Variants in FSTL5 observed in about 807,000 individuals in gnomAD.
The protein encoded by FSTL5 is follistatin like 5, also known as follistatin-related protein 5.
A neutral mutation model predicts 89.1 loss-of-function variants in FSTL5; 62 were observed. The ratio of observed to expected loss-of-function variants is 0.70; its 90% confidence interval spans 0.57 to 0.86. The LOEUF is 0.86. FSTL5 is among the 40% of genes least tolerant of loss of function. The pLI is 0.00. For synonymous variants in FSTL5, 383 were observed against 346.2 expected (o/e 1.11, Z -1.18); for missense variants, 1,057 against 1,001.6 (o/e 1.06, Z -0.75).
At chr4:161,840,377 C>T (rs1398317129) in intron 4 of FSTL5, among the ~76,000 whole-genome samples, 10 of 152,088 alleles carry the variant, frequency 6.6e-5, no homozygotes. Flanking sequence ...AAATTGGATT[C>T]AATGCTTTAT....
intron 7 of FSTL5, among the ~76,000 whole-genome samples, chr4:161,646,227 A>G (rs1252648508): frequency 6.7e-6 from 1 of 148,280 alleles, no homozygotes; most frequent in Non-Finnish European, 1.5e-5. Flanking sequence ...TGTACAATGT[A>G]TATCTCATAT....
At chr4:162,088,982 A>G (rs1215177731) in intron 2 of FSTL5, among the ~76,000 whole-genome samples, 1 of 152,154 alleles carries the variant, frequency 6.6e-6, no homozygotes, top group East Asian at 1.9e-4. Flanking sequence ...GTGGGATCCA[A>G]GAAAGATGAT....
chr4:161,773,757 C>A (rs1560837305), intron 5 of FSTL5, among the ~76,000 whole-genome samples: 2 of 152,150 alleles, frequency 1.3e-5, no homozygotes, highest in East Asian at 1.9e-4. Flanking sequence ...TAAACTAGTA[C>A]AACCACTATG....
intron 6 of FSTL5, among the ~76,000 whole-genome samples, chr4:161,705,714 T>C (rs1230414899): frequency 6.6e-6 from 1 of 151,488 alleles, no homozygotes; most frequent in Non-Finnish European, 1.5e-5. Context: ...TCACCAATCT[T>C]CCCTACAGAG....
At chr4:161,541,648 T>TTA (rs948373578) in intron 9 of FSTL5, among the ~76,000 whole-genome samples, 15 of 152,008 alleles carry the variant, frequency 9.9e-5, no homozygotes, top group South Asian at 6.2e-4. Context: ...TGTATAATGA[T>TTA]TATATATATC....
intron 12 of FSTL5, among the ~76,000 whole-genome samples, chr4:161,487,156 G>C (rs542780483): frequency 1.3e-5 from 2 of 152,040 alleles, no homozygotes; most frequent in Non-Finnish European, 2.9e-5. Flanking sequence ...GTTAGCCTTT[G>C]CTATTCCAGT....
chr4:161,419,746 G>A (rs1217226133), intron 15 of FSTL5, among the ~76,000 whole-genome samples: 1 of 152,134 alleles, frequency 6.6e-6, no homozygotes, highest in Non-Finnish European at 1.5e-5. Flanking sequence ...GAGATTCATA[G>A]GTTCAGGAAT....
chr4:162,094,684 A>G (rs932362870), intron 2 of FSTL5, among the ~76,000 whole-genome samples: 10 of 152,212 alleles, frequency 6.6e-5, no homozygotes, highest in Non-Finnish European at 1.2e-4. Context: ...ATTCATAGTG[A>G]AATATATGAA....
At chr4:161,692,493 T>C (rs1737977217) in intron 6 of FSTL5, among the ~76,000 whole-genome samples, 1 of 152,120 alleles carries the variant, frequency 6.6e-6, no homozygotes, top group African/African-American at 2.4e-5. Flanking sequence ...TTAGTGCTTT[T>C]ACAAAAGGTG....
Position 161,913,775 on chromosome 4 carries a change from T to C in FSTL5, c.409+6629A>G, listed in dbSNP as rs1733764033. ...CTGCCCTGCGGGATTTTGGACTTGC[T>C]TGGGCCCTGTAACCCCTTGGTTTTG... On this transcript the variant is annotated intron_variant, in intron 4 of 15. Transcript: ENST00000306100. Among the ~76,000 whole-genome samples the C allele has an allele frequency of 2.6e-5, 4 of 152,152 alleles. No individual in the cohort carries two copies. In the South Asian group the frequency reaches 6.2e-4, roughly 24 times the overall value.
intron 2 of FSTL5, among the ~76,000 whole-genome samples, chr4:162,074,739 G>A (rs956523170): frequency 5.9e-5 from 9 of 151,556 alleles, no homozygotes; most frequent in African/African-American, 9.7e-5. Flanking sequence ...ATTAACATAC[G>A]CATTACCTCA....
intron 4 of FSTL5, among the ~76,000 whole-genome samples, chr4:161,780,976 G>C (rs890597619): frequency 6.6e-6 from 1 of 152,030 alleles, no homozygotes; most frequent in African/African-American, 2.4e-5. Flanking sequence ...TTATCTTTTT[G>C]ACATTTATTG....
chr4:161,519,467 A>G (rs1009065088), intron 10 of FSTL5, among the ~76,000 whole-genome samples: 12 of 152,136 alleles, frequency 7.9e-5, no homozygotes, highest in Non-Finnish European at 1.5e-5. Flanking sequence ...TGGAGCTTGC[A>G]GTGAGCCGAG....
At chr4:161,662,114 T>C (rs1235271169) in intron 6 of FSTL5, among the ~76,000 whole-genome samples, 1 of 152,150 alleles carries the variant, frequency 6.6e-6, no homozygotes, top group Non-Finnish European at 1.5e-5. Context: ...AGTGTGTCCA[T>C]CTCTGTGCTA....
At chr4:162,032,385 AAT>A (rs1737566613) in intron 3 of FSTL5, among the ~76,000 whole-genome samples, 1 of 152,186 alleles carries the variant, frequency 6.6e-6, no homozygotes, top group Admixed American at 6.5e-5. Flanking sequence ...ACTTGGAGTT[AAT>A]ATGAGTGCTT....
rs143129896 is a variant in FSTL5, at chr4:161,418,154, T to A, written c.1842-31705A>T. Among the ~76,000 whole-genome samples, 4 of 152,256 alleles carry A rather than the reference T, an allele frequency of 2.6e-5. 1 individual carries two copies. Among genetic ancestry groups the A allele is most frequent in the African/African-American group, 9.6e-5 (4 of 41,556 alleles). ...CATTGGTGTGTTTACATGGCACCAG[T>A]CTAAGTGTGAGTGTGGGTGAATGTG... On this transcript the variant is annotated intron_variant, in intron 15 of 15. Coordinates refer to ENST00000306100, the MANE Select transcript of FSTL5 (RefSeq NM_020116.5).
intron 9 of FSTL5, among the ~76,000 whole-genome samples, chr4:161,541,225 T>C (rs1731808804): frequency 6.6e-6 from 1 of 152,110 alleles, no homozygotes; most frequent in Admixed American, 6.6e-5. Flanking sequence ...TCTTAAAACT[T>C]CAACTGTTTT....
chr4:161,522,798 T>G (rs1731083933), intron 10 of FSTL5, among the ~76,000 whole-genome samples: 1 of 151,690 alleles, frequency 6.6e-6, no homozygotes, highest in Non-Finnish European at 1.5e-5. Flanking sequence ...AATAAAAGTA[T>G]AAGTGATTCC....
At chr4:161,550,602 C>CT (rs1732172192) in intron 8 of FSTL5, among the ~76,000 whole-genome samples, 1 of 131,630 alleles carries the variant, frequency 7.6e-6, no homozygotes, top group African/African-American at 2.7e-5. Context: ...TATTATTATA[C>CT]TTTAAGTTTT....
Sources: gnomAD v4.1 joint callset for allele counts (sites outside exome capture counted in the v4.1 genomes callset) on GRCh38, gnomAD v4.1.1 for gene constraint, MANE v1.5 for transcripts, NCBI Gene and HGNC (gene_info 2026-07-23, HGNC 2026-07-21) for gene names.